TPRN: variants seen among roughly 807,000 people sequenced by gnomAD.
TPRN encodes the protein taperin.
TPRN carries 32 observed loss-of-function variants against 42.6 expected under a neutral mutation model. The observed-to-expected ratio is 0.75, with a 90% CI of 0.57 to 1.01. TPRN has a LOEUF of 1.01. Ranked by LOEUF, TPRN falls within the 50% of genes least tolerant of loss-of-function variation. TPRN has a pLI of 0.00. For missense variants in TPRN, 1,095 were observed against 957.5 expected, an observed-to-expected ratio of 1.14 and a Z score of -1.90; for synonymous variants, 541 against 445.6, an observed-to-expected ratio of 1.21 and a Z score of -2.70.
chr9:137,200,391 CG>C lies in TPRN; in HGVS notation c.320del (p.Pro107ArgfsTer343). On this transcript the variant is annotated frameshift_variant, in exon 1 of 4. Coordinates refer to ENST00000409012, the MANE Select transcript of TPRN (RefSeq NM_001128228.3). LOFTEE classifies it high-confidence loss of function. This position sits in a 1 kb window ranked among gnomAD's most constrained non-coding sequence, Gnocchi z 4.3. ...CGGCCCCCGGGGCGGGCGGCGCGGG[CG>C]GGAAGCCGGGCACCGTCTCGATGAT... Reference protein sequence around the residue: ...VLIIETVPGFPPAPPAPGAAQ... With the variant: ...VLIIETVPGFXPAPPAPGAAQ... 9.1e-7 allele frequency: 1 copy of C among 1,094,822 alleles called. No homozygotes were observed. Among genetic ancestry groups the C allele is most frequent in the Non-Finnish European group, 1.1e-6 (1 of 901,236 alleles). 67.8% of individuals were successfully genotyped at this position (1,094,822 alleles called of 1,614,324 possible).
chr9:137,192,370 G>A lies in TPRN; in HGVS notation c.1967-5C>T. Reference sequence around the variant, plus strand: ...TCGGGGTGTAGCTGGACAGGCCTGTGAATGGAGGTGCACATGCAGACGTGG... The same window carrying A: ...TCGGGGTGTAGCTGGACAGGCCTGTAAATGGAGGTGCACATGCAGACGTGG... On this transcript the variant is annotated splice_polypyrimidine_tract_variant and splice_region_variant and intron_variant, in intron 2 of 3. Transcript: ENST00000409012. 6.2e-7 allele frequency: 1 copy of A among 1,612,954 alleles called. No homozygotes were observed. The highest frequency in any genetic ancestry group is 8.5e-7 in the Non-Finnish European group (1 of 1,179,996).
In TPRN at chr9:137,192,133, G is replaced by T. The variant is rs372125769; in HGVS notation, c.2115C>A (p.Ser705Arg). Residue 705 changes from serine to arginine, a missense_variant, in exon 4 of 4, where the codon AGC (serine) becomes AGA (arginine). Coordinates refer to ENST00000409012, the MANE Select transcript of TPRN (RefSeq NM_001128228.3). ...GGGCTCAGAAATACAGGGCTGGCTC[G>T]CTGCGGAAGTCCGAGAGGTCATTCT... ...ASQNDLSDFR[S>R]EPALYF The T allele has an allele frequency of 5.6e-6, 9 of 1,613,554 alleles. No individual in the cohort carries two copies. The highest frequency in any genetic ancestry group is 7.6e-6 in the Non-Finnish European group (9 of 1,180,018).
chr9:137,199,553 C>T lies in TPRN; in HGVS notation c.1159G>A (p.Glu387Lys). The change falls in exon 1 of 4, where the codon GAG (glutamate) becomes AAG (lysine). Residue 387 changes from glutamate to lysine, a missense_variant. Coordinates refer to ENST00000409012, the MANE Select transcript of TPRN (RefSeq NM_001128228.3). ...GAPALGKSPL[E>K]VEAQWAVEEG... ...TCGACTGCCCACTGTGCCTCGACCTCCAGGGGGCTCTTCCCGAGGGCAGGC... is the reference window on the plus strand; with the variant it reads ...TCGACTGCCCACTGTGCCTCGACCTTCAGGGGGCTCTTCCCGAGGGCAGGC... 3 of 1,560,936 alleles carry T rather than the reference C, an allele frequency of 1.9e-6. No individual in the cohort carries two copies. The highest frequency in any genetic ancestry group is 1.7e-6 in the Non-Finnish European group (2 of 1,153,080).
chr9:137,197,185 G>A (rs764401940), intron 1 of TPRN, among the ~76,000 whole-genome samples: 6 of 152,138 alleles, frequency 3.9e-5, no homozygotes, highest in Admixed American at 2.0e-4. Context: ...TGCAAGCTCC[G>A]CCTCCCGGGT....
chr9:137,194,489 A>C (rs186217068), intron 1 of TPRN: 2 of 152,482 alleles, frequency 1.3e-5, no homozygotes, highest in Non-Finnish European at 2.9e-5. Context: ...GATGACCCCG[A>C]AGCCCTCCAG....
In TPRN at chr9:137,192,120, A is replaced by G; in HGVS notation, c.2128T>C (p.Tyr710His). 2 of 1,613,278 alleles carry G rather than the reference A, an allele frequency of 1.2e-6. No individual in the cohort carries two copies. Among genetic ancestry groups the G allele is most frequent in the South Asian group, 1.1e-5 (1 of 91,088 alleles). The change falls in exon 4 of 4, where the codon TAT becomes CAT. Residue 710 changes from tyrosine to histidine, a missense_variant. Coordinates refer to ENST00000409012, the MANE Select transcript of TPRN (RefSeq NM_001128228.3). ...TCCTGGCAGTGCTGGGCTCAGAAATACAGGGCTGGCTCGCTGCGGAAGTCC... is the reference window on the plus strand; with the variant it reads ...TCCTGGCAGTGCTGGGCTCAGAAATGCAGGGCTGGCTCGCTGCGGAAGTCC... ...LSDFRSEPALYF is the reference protein window; with the variant it reads ...LSDFRSEPALHF
At position 137,191,981 on chromosome 9, in the gene TPRN, C is replaced by CA; in HGVS notation, c.*130dup. 2.5e-6 allele frequency: 3 copies of CA among 1,181,320 alleles called. No individual in the cohort carries two copies. The South Asian group carries it at 3.9e-5, about 15-fold the overall frequency. 73.2% of individuals were successfully genotyped at this position (1,181,320 alleles called of 1,614,324 possible). A position where few individuals can be genotyped will look rare whatever the true frequency, so the allele number is the denominator to read the frequency against. ...TGGCAGGAGGCACCCTAGCTGCTTC[C>CA]AGGGCCAGGAGGGGTGGGTGGGATA... On this transcript the variant is annotated 3_prime_UTR_variant, in exon 4 of 4. Coordinates refer to ENST00000409012, the MANE Select transcript of TPRN (RefSeq NM_001128228.3).
rs917279081 is a variant in TPRN at position 137,199,431 on chromosome 9, C to G, written c.1281G>C (p.Ser427=). ...SSPPPFLPAA[S]EEAEPAEGLR... Reference sequence around the variant, plus strand: ...GGCCCTCAGCAGGCTCAGCTTCTTCCGAAGCAGCCGGCAGGAAGGGGGGCG... The same window carrying G: ...GGCCCTCAGCAGGCTCAGCTTCTTCGGAAGCAGCCGGCAGGAAGGGGGGCG... The change falls in exon 1 of 4, where the codon TCG becomes TCC. Residue 427 remains serine, a synonymous_variant. Transcript: ENST00000409012. 1.2e-6 allele frequency: 2 copies of G among 1,610,878 alleles called. No homozygotes were observed. The highest frequency in any genetic ancestry group is 1.7e-6 in the Non-Finnish European group (2 of 1,179,292).
rs1385178416 is a variant in TPRN, at chr9:137,192,363, G to T, written c.1969C>A (p.Leu657Met). 2.5e-6 allele frequency: 4 copies of T among 1,612,990 alleles called. No homozygotes were observed. The highest frequency in any genetic ancestry group is 3.4e-6 in the Non-Finnish European group (4 of 1,180,012). ...SSRLPEGSSG[L>M]SSYTPKHSVA... ...GAGTGCTTCGGGGTGTAGCTGGACA[G>T]GCCTGTGAATGGAGGTGCACATGCA... is the stretch of plus-strand genomic sequence containing the variant. The change falls in exon 3 of 4, where the codon CTG becomes ATG. Residue 657 changes from leucine to methionine, a missense_variant and splice_region_variant. Leu to Met is a conservative substitution (Grantham distance 15). Coordinates refer to ENST00000409012, the MANE Select transcript of TPRN (RefSeq NM_001128228.3).
In TPRN at chr9:137,199,091, T is replaced by C; in HGVS notation, c.1621A>G (p.Thr541Ala). ...ACGGTGGGGTAGCGCTTCTTCAACG[T>C]GGGCCCCAGGAGGCAACTAGCCTCC... ...EEEASCLLGP[T>A]LKKRYPTVHE... is the part of the protein sequence containing the mutation. The change falls in exon 1 of 4, where the codon ACG (threonine) becomes GCG (alanine). Residue 541 changes from threonine to alanine, a missense_variant. Transcript: ENST00000409012. The C allele has an allele frequency of 2.5e-6, 4 of 1,613,218 alleles. No individual in the cohort carries two copies. Among genetic ancestry groups the C allele is most frequent in the Non-Finnish European group, 3.4e-6 (4 of 1,179,964 alleles).
In TPRN at chr9:137,200,303, G is replaced by A. The variant is rs1588777130; in HGVS notation, c.409C>T (p.Leu137=). Residue 137 remains leucine (L), a synonymous_variant, in exon 1 of 4, where the codon CTG becomes TTG. Coordinates refer to ENST00000409012, the MANE Select transcript of TPRN (RefSeq NM_001128228.3). This position sits in a 1 kb window ranked among gnomAD's most constrained non-coding sequence, Gnocchi z 4.3. ...GAPPGRVSRL[L]ERFDPPAAPR... is the part of the protein sequence containing the mutation. ...GCGGCGGGCGGGTCGAACCTCTCCA[G>A]TAGGCGGCTGACGCGGCCGGGCGGC... The A allele has an allele frequency of 1.0e-6, 1 of 996,680 alleles. No homozygotes were observed. The highest frequency in any genetic ancestry group is 1.2e-6 in the Non-Finnish European group (1 of 840,280). The allele number at this position is 996,680 out of a possible 1,614,324, so 61.7% of individuals were successfully genotyped here.
In TPRN at chr9:137,200,158, C is replaced by T. The variant is rs1335702517; in HGVS notation, c.554G>A (p.Gly185Asp). Residue 185 changes from glycine (G) to aspartate (D), a missense_variant, in exon 1 of 4, where the codon GGC becomes GAC. Physicochemically the swap from Gly to Asp is moderately conservative, Grantham distance 94. Transcript: ENST00000409012. This position sits in a 1 kb window ranked among gnomAD's most constrained non-coding sequence, Gnocchi z 4.3. ...GCGCCGGGCCCCGGGGCTCGCCCCG[C>T]CACCGCGGGGCCCGGGCGCGGCGGG... ...SPPAAPGPRG[G>D]GASPGARRSD... 4.2e-6 allele frequency: 5 copies of T among 1,201,852 alleles called. No homozygotes were observed. Among genetic ancestry groups the T allele is most frequent in the Non-Finnish European group, 5.2e-6 (5 of 970,300 alleles). The allele number at this position is 1,201,852 out of a possible 1,614,324, so 74.4% of individuals were successfully genotyped here. A position where few individuals can be genotyped will look rare whatever the true frequency, so the allele number is the denominator to read the frequency against.
At chr9:137,195,642 G>A (rs1278164602) in intron 1 of TPRN, among the ~76,000 whole-genome samples, 4 of 152,182 alleles carry the variant, frequency 2.6e-5, no homozygotes, top group Admixed American at 6.5e-5. Context: ...AGGTGAGGGC[G>A]GACGGCCCTG....
rs1183078911 is a variant in TPRN, at chr9:137,199,923, G to A, written c.789C>T (p.Pro263=). Reference sequence around the variant, plus strand: ...GAGTGGCACTCGGGGTCCCGGGGCTGGGGGGCGGGTGGAGGGAGGGATCCC... The same window carrying A: ...GAGTGGCACTCGGGGTCCCGGGGCTAGGGGGCGGGTGGAGGGAGGGATCCC... The part of the protein sequence containing the change: ...ESGDPSLHPP[P]SPGTPSATPA... The change falls in exon 1 of 4, where the codon CCC becomes CCT. Residue 263 remains proline (P), a synonymous_variant. Coordinates refer to ENST00000409012, the MANE Select transcript of TPRN (RefSeq NM_001128228.3). 6.6e-7 allele frequency: 1 copy of A among 1,503,860 alleles called. No homozygotes were observed. The highest frequency in any genetic ancestry group is 1.4e-5 in the African/African-American group (1 of 71,984). The allele number at this position is 1,503,860 out of a possible 1,614,324, so 93.2% of individuals were successfully genotyped here.
Position 137,199,652 on chromosome 9 carries a change from G to A in TPRN, c.1060C>T (p.Pro354Ser), listed in dbSNP as rs773525215. 1.1e-5 allele frequency: 18 copies of A among 1,578,874 alleles called. No homozygotes were observed. Among genetic ancestry groups the A allele is most frequent in the Non-Finnish European group, 1.5e-5 (18 of 1,163,046 alleles). ...GAGGCCGGGCCCAGGTCTCCCTTTGGCAGCTCCACGGACTGCCTCCCCTCA... is the reference window on the plus strand; with the variant it reads ...GAGGCCGGGCCCAGGTCTCCCTTTGACAGCTCCACGGACTGCCTCCCCTCA... ...PPEGRQSVEL[P>S]KGDLGPASPS... Residue 354 changes from proline to serine, a missense_variant, in exon 1 of 4, where the codon CCA becomes TCA. By Grantham distance (74) the Pro-to-Ser change is moderately conservative (BLOSUM62 -1). Transcript: ENST00000409012.
rs373391609 is a variant in TPRN, at chr9:137,192,613, C to T, written c.1804G>A (p.Glu602Lys). 9.9e-6 allele frequency: 16 copies of T among 1,613,698 alleles called. No homozygotes were observed. In the African/African-American group the frequency reaches 1.3e-4, roughly 13 times the overall value. Residue 602 changes from glutamate (E) to lysine (K), a missense_variant, in exon 2 of 4, where the codon GAG becomes AAG. Transcript: ENST00000409012. ...TCCTCCTCCTCCTGCTGGTCCACCTCTTCCTCCTGCTCTAGGGAGCTCTCG... is the reference window on the plus strand; with the variant it reads ...TCCTCCTCCTCCTGCTGGTCCACCTTTTCCTCCTGCTCTAGGGAGCTCTCG... ...PSESSLEQEE[E>K]VDQQEEEEEE...
At position 137,200,556 on chromosome 9, in the gene TPRN, G is replaced by C; in HGVS notation, c.156C>G (p.Ser52Arg). ...ACGGGTTCTCGCGCAGCGGGCCCAG[G>C]CTCTCGGCCAGCACCCGCTGCTCGG... Reference protein sequence around the residue: ...AEPEQRVLAESLGPLRENPFM... With the variant: ...AEPEQRVLAERLGPLRENPFM... The change falls in exon 1 of 4, where the codon AGC (serine) becomes AGG (arginine). Residue 52 changes from serine (S) to arginine (R), a missense_variant. Transcript: ENST00000409012. The surrounding 1 kb of genome is among the most constrained non-coding windows in gnomAD (Gnocchi z 4.3). The C allele has an allele frequency of 8.7e-7, 1 of 1,154,856 alleles. No individual in the cohort carries two copies. The highest frequency in any genetic ancestry group is 1.1e-6 in the Non-Finnish European group (1 of 941,406). The allele number at this position is 1,154,856 out of a possible 1,614,324, so 71.5% of individuals were successfully genotyped here.
rs928682791 is a variant in TPRN, at chr9:137,200,738, G to A, written c.-27C>T. The A allele has an allele frequency of 2.3e-5, 25 of 1,096,320 alleles. No individual in the cohort carries two copies. The highest frequency in any genetic ancestry group is 2.7e-5 in the Non-Finnish European group (24 of 899,958). The allele number at this position is 1,096,320 out of a possible 1,614,324, so 67.9% of individuals were successfully genotyped here. A position where few individuals can be genotyped will look rare whatever the true frequency, so the allele number is the denominator to read the frequency against. ...CTGCGAACGCGGCAGCGGACGGCTG[G>A]ACTGAGGGCCGGAGTGGCAGCCGCC... is the stretch of plus-strand genomic sequence containing the variant. On this transcript the variant is annotated 5_prime_UTR_variant, in exon 1 of 4. Transcript: ENST00000409012. The surrounding 1 kb of genome is among the most constrained non-coding windows in gnomAD (Gnocchi z 4.3).
In TPRN at chr9:137,192,486, C is replaced by T. The variant is rs932819177; in HGVS notation, c.1931G>A (p.Arg644Lys). 1.9e-6 allele frequency: 3 copies of T among 1,605,456 alleles called. No individual in the cohort carries two copies. Among genetic ancestry groups the T allele is most frequent in the Non-Finnish European group, 2.6e-6 (3 of 1,176,376 alleles). Residue 644 changes from arginine to lysine, a missense_variant, in exon 2 of 4, where the codon AGA becomes AAA. Coordinates refer to ENST00000409012, the MANE Select transcript of TPRN (RefSeq NM_001128228.3). ...LPRATFVSSV[R>K]PESSRLPEGS... ...CTCTGGCAGCCGAGAGCTCTCGGGTCTCACGCTGCTCACAAACGTGGCCCG... is the reference window on the plus strand; with the variant it reads ...CTCTGGCAGCCGAGAGCTCTCGGGTTTCACGCTGCTCACAAACGTGGCCCG...
Sources: gnomAD v4.1 joint callset for allele counts (sites outside exome capture counted in the v4.1 genomes callset) on GRCh38, gnomAD v4.1.1 for gene constraint, Gnocchi (gnomAD v3.1) non-coding constraint, MANE v1.5 for transcripts, NCBI Gene and HGNC (gene_info 2026-07-23, HGNC 2026-07-21) for gene names.